Variants in KCNQ1 observed in about 807,000 individuals in gnomAD.
The protein encoded by KCNQ1 is potassium voltage-gated channel subfamily KQT member 1.
A neutral mutation model predicts 72.4 loss-of-function variants in KCNQ1; 49 were observed. That is an observed-to-expected ratio of 0.68 (90% CI 0.54 to 0.86). The LOEUF (loss-of-function observed/expected upper bound fraction) is 0.86, where lower values mean the gene tolerates loss of function less well. Ranked by LOEUF, KCNQ1 falls within the 40% of genes least tolerant of loss-of-function variation. The pLI, the probability that KCNQ1 is intolerant of heterozygous loss-of-function variation, is 0.00. For synonymous variants in KCNQ1, 450 were observed against 412.6 expected, an observed-to-expected ratio of 1.09 and a Z score of -1.10; for missense variants, 790 against 945.1, an observed-to-expected ratio of 0.84 and a Z score of 2.15.
At position 2,627,051 on chromosome 11, in the gene KCNQ1, G is replaced by T; in HGVS notation, c.1394-34910G>T. ...TAACAATATTGGCCTTCCAATCCATGAACATAGGAGGTGTTTTCCCTTTAT... is the reference window on the plus strand; with the variant it reads ...TAACAATATTGGCCTTCCAATCCATTAACATAGGAGGTGTTTTCCCTTTAT... On this transcript the variant is annotated intron_variant, in intron 10 of 15. Transcript: ENST00000155840. The surrounding 1 kb of genome is among the most constrained non-coding windows in gnomAD (Gnocchi z 4.9). 1 of 398,524 alleles carries T rather than the reference G, an allele frequency of 2.5e-6. No homozygotes were observed. Among genetic ancestry groups the T allele is most frequent in the South Asian group, 1.3e-4 (1 of 7,830 alleles). 24.7% of individuals were successfully genotyped at this position (398,524 alleles called of 1,614,324 possible).
chr11:2,624,340 A>G lies in KCNQ1; in HGVS notation c.1393+35486A>G. On this transcript the variant is annotated intron_variant, in intron 10 of 15. Coordinates refer to ENST00000155840, the MANE Select transcript of KCNQ1 (RefSeq NM_000218.3). This position sits in a 1 kb window ranked among gnomAD's most constrained non-coding sequence, Gnocchi z 4.9. Reference sequence around the variant, plus strand: ...GAGTCCTTTATCAGGTATATCTTTTACAAGTATTGTCTCCCTTCTGTGGCC... The same window carrying G: ...GAGTCCTTTATCAGGTATATCTTTTGCAAGTATTGTCTCCCTTCTGTGGCC... 1 of 398,508 alleles carries G rather than the reference A, an allele frequency of 2.5e-6. No homozygotes were observed. Among genetic ancestry groups the G allele is most frequent in the Non-Finnish European group, 4.4e-6 (1 of 226,028 alleles). The allele number at this position is 398,508 out of a possible 1,614,324, so 24.7% of individuals were successfully genotyped here. A position where few individuals can be genotyped will look rare whatever the true frequency, so the allele number is the denominator to read the frequency against.
rs183275979 is a variant in KCNQ1 at position 2,583,720 on chromosome 11, A to G, written c.1032+175A>G. 3.9e-5 allele frequency among the ~76,000 whole-genome samples: 6 copies of G among 152,306 alleles called. No homozygotes were observed. The East Asian group carries it at 1.2e-3, about 29-fold the overall frequency. ...CTGCCCTCCCTGGGGCCCTGGATGC[A>G]GACTTCCCGTTTGCAGTCCCCACTG... is the stretch of plus-strand genomic sequence containing the variant. On this transcript the variant is annotated intron_variant, in intron 7 of 15. Transcript: ENST00000155840.
At position 2,623,129 on chromosome 11, in the gene KCNQ1, C is replaced by T; in HGVS notation, c.1393+34275C>T. 2.5e-6 allele frequency: 1 copy of T among 398,654 alleles called. No individual in the cohort carries two copies. The highest frequency in any genetic ancestry group is 4.4e-6 in the Non-Finnish European group (1 of 226,098). The allele number at this position is 398,654 out of a possible 1,614,324, so 24.7% of individuals were successfully genotyped here. A position where few individuals can be genotyped will look rare whatever the true frequency, so the allele number is the denominator to read the frequency against. The stretch of plus-strand genomic sequence containing the variant: ...AACGTGTGTGGCACTTCCCATCTCA[C>T]TTTCTTTCCCTCTCCTGTTCTGCCA... On this transcript the variant is annotated intron_variant, in intron 10 of 15. Coordinates refer to ENST00000155840, the MANE Select transcript of KCNQ1 (RefSeq NM_000218.3). The surrounding 1 kb of genome is among the most constrained non-coding windows in gnomAD (Gnocchi z 5.2).
intron 11 of KCNQ1, among the ~76,000 whole-genome samples, chr11:2,708,029 C>T (rs552008033): frequency 6.6e-6 from 1 of 152,238 alleles, no homozygotes; most frequent in Non-Finnish European, 1.5e-5. Context: ...CCTCCCAAAG[C>T]ACCAGGCCCC....
intron 15 of KCNQ1, among the ~76,000 whole-genome samples, chr11:2,801,447 G>C (rs1847262229): frequency 6.6e-6 from 1 of 152,232 alleles, no homozygotes; most frequent in African/African-American, 2.4e-5. Flanking sequence ...GGAAGTCCGA[G>C]AGCAAGGTTG....
chr11:2,776,755 A>G (rs1436149734), intron 13 of KCNQ1, among the ~76,000 whole-genome samples: 1 of 152,098 alleles, frequency 6.6e-6, no homozygotes, highest in Admixed American at 6.5e-5. Flanking sequence ...GAAGTCTGAG[A>G]GGCAGCCCAC....
intron 1 of KCNQ1, among the ~76,000 whole-genome samples, chr11:2,453,372 T>C (rs180803444): frequency 7.0e-5 from 10 of 143,014 alleles, no homozygotes; most frequent in African/African-American, 2.1e-4. Flanking sequence ...AAATTCCATC[T>C]CAGGGAAAAA....
chr11:2,614,895 C>T (rs922818208), intron 10 of KCNQ1: 3 of 398,240 alleles, frequency 7.5e-6, no homozygotes, highest in East Asian at 3.6e-5. Flanking sequence ...ATTCCATTTA[C>T]ATTTTAAAAT....
rs1461708609 is a variant in KCNQ1 at position 2,611,720 on chromosome 11, A to C, written c.1393+22866A>C. 5.0e-6 allele frequency: 2 copies of C among 398,378 alleles called. No individual in the cohort carries two copies. Among genetic ancestry groups the C allele is most frequent in the Non-Finnish European group, 8.8e-6 (2 of 226,038 alleles). The allele number at this position is 398,378 out of a possible 1,614,324, so 24.7% of individuals were successfully genotyped here. On this transcript the variant is annotated intron_variant, in intron 10 of 15. Transcript: ENST00000155840. This position sits in a 1 kb window ranked among gnomAD's most constrained non-coding sequence, Gnocchi z 5.3. ...TCACTTATATGTAATATAATTATTG[A>C]TATGGAAGGATTTATATCTACCATG...
At chr11:2,837,375 CCA>C (rs1848092146) in intron 15 of KCNQ1, among the ~76,000 whole-genome samples, 1 of 152,096 alleles carries the variant, frequency 6.6e-6, no homozygotes, top group South Asian at 2.1e-4. Flanking sequence ...GGCCTGGGGC[CCA>C]GGAGAGCCCG....
At position 2,721,799 on chromosome 11, in the gene KCNQ1, C is replaced by T. The variant is rs561691818; in HGVS notation, c.1515-47045C>T. ...AGCCCTGGCTGGAGGCTGACCGAGC[C>T]TCCGAGGAGGTTCACCTGGAGCTGT... On this transcript the variant is annotated intron_variant, in intron 11 of 15. Coordinates refer to ENST00000155840, the MANE Select transcript of KCNQ1 (RefSeq NM_000218.3). Among the ~76,000 whole-genome samples the T allele has an allele frequency of 2.0e-5, 3 of 152,370 alleles. No individual in the cohort carries two copies. In the East Asian group the frequency reaches 5.8e-4, roughly 29 times the overall value.
chr11:2,451,915 T>C lies in KCNQ1; in HGVS notation c.386+6431T>C, dbSNP rs1846123734. 1.3e-5 allele frequency among the ~76,000 whole-genome samples: 2 copies of C among 152,132 alleles called. No homozygotes were observed. The highest frequency in any genetic ancestry group is 2.9e-5 in the Non-Finnish European group (2 of 68,004). On this transcript the variant is annotated intron_variant, in intron 1 of 15. Coordinates refer to ENST00000155840, the MANE Select transcript of KCNQ1 (RefSeq NM_000218.3). The surrounding 1 kb of genome is among the most constrained non-coding windows in gnomAD (Gnocchi z 6.4). Reference sequence around the variant, plus strand: ...GCCCTTAGGATGCTGTGGTCTCAAGTGAGGTGGTGCACTATTCCTGGCCTC... The same window carrying C: ...GCCCTTAGGATGCTGTGGTCTCAAGCGAGGTGGTGCACTATTCCTGGCCTC...
rs1260028472 is a variant in KCNQ1, at chr11:2,711,092, A to C, written c.1514+49011A>C. 1.3e-5 allele frequency among the ~76,000 whole-genome samples: 2 copies of C among 152,248 alleles called. No individual in the cohort carries two copies. The highest frequency in any genetic ancestry group is 2.9e-5 in the Non-Finnish European group (2 of 68,048). On this transcript the variant is annotated intron_variant, in intron 11 of 15. Transcript: ENST00000155840. The surrounding 1 kb of genome is among the most constrained non-coding windows in gnomAD (Gnocchi z 5.4). Reference sequence around the variant, plus strand: ...GTATTGCCATCTTAACAATGTGTTAAGTCTTCCAATCCAAGAGCATGTATT... The same window carrying C: ...GTATTGCCATCTTAACAATGTGTTACGTCTTCCAATCCAAGAGCATGTATT...
rs1029779748 is a variant in KCNQ1 at position 2,477,483 on chromosome 11, GTGA to G, written c.386+32001_386+32003del. Reference sequence around the variant, plus strand: ...GGTGCCCAGGTTAGCTGTGAACAAAGTGATCTCTCTGCTGCCTCACTAGCAGAG... The same window carrying G: ...GGTGCCCAGGTTAGCTGTGAACAAAGTCTCTCTGCTGCCTCACTAGCAGAG... On this transcript the variant is annotated intron_variant, in intron 1 of 15. Coordinates refer to ENST00000155840, the MANE Select transcript of KCNQ1 (RefSeq NM_000218.3). The surrounding 1 kb of genome is among the most constrained non-coding windows in gnomAD (Gnocchi z 5.0). 5.3e-5 allele frequency among the ~76,000 whole-genome samples: 8 copies of G among 152,270 alleles called. No homozygotes were observed. The highest frequency in any genetic ancestry group is 3.3e-4 in the Admixed American group (5 of 15,294).
Position 2,657,209 on chromosome 11 carries a change from C to T in KCNQ1, c.1394-4752C>T. On this transcript the variant is annotated intron_variant, in intron 10 of 15. Coordinates refer to ENST00000155840, the MANE Select transcript of KCNQ1 (RefSeq NM_000218.3). The surrounding 1 kb of genome is among the most constrained non-coding windows in gnomAD (Gnocchi z 4.8). ...AATATTGCCAATTCTTGGCTTTTTG[C>T]ACTTCCAAGTCGCAGTTAGAATCAG... 2.5e-6 allele frequency: 1 copy of T among 398,644 alleles called. No homozygotes were observed. The highest frequency in any genetic ancestry group is 4.4e-5 in the Admixed American group (1 of 22,738). 24.7% of individuals were successfully genotyped at this position (398,644 alleles called of 1,614,324 possible).
chr11:2,563,589 A>G lies in KCNQ1; in HGVS notation c.478-7039A>G, dbSNP rs547781796. ...GAGGGTCCCAGGGTCTGTCTGCCTAATGACAAGATTTCAGTACCAATAGCG... is the reference window on the plus strand; with the variant it reads ...GAGGGTCCCAGGGTCTGTCTGCCTAGTGACAAGATTTCAGTACCAATAGCG... On this transcript the variant is annotated intron_variant, in intron 2 of 15. Transcript: ENST00000155840. The surrounding 1 kb of genome is among the most constrained non-coding windows in gnomAD (Gnocchi z 7.4). Among the ~76,000 whole-genome samples the G allele has an allele frequency of 5.9e-5, 9 of 152,304 alleles. No individual in the cohort carries two copies. The highest frequency in any genetic ancestry group is 1.3e-4 in the Admixed American group (2 of 15,300).
At chr11:2,461,604 C>T (rs921203215) in intron 1 of KCNQ1, 3 of 1,361,780 alleles carry the variant, frequency 2.2e-6, no homozygotes, top group Admixed American at 1.9e-5. Flanking sequence ...GTGGCCCCTG[C>T]TCTCACCCAC....
intron 9 of KCNQ1, 142 bp downstream of exon 9, chr11:2,587,834 C>T: frequency 8.5e-7 from 1 of 1,171,962 alleles, no homozygotes; most frequent in Non-Finnish European, 1.2e-6. Flanking sequence ...GTTCGGGACA[C>T]TGGGCCATAC....
chr11:2,741,688 C>T (rs552651413), intron 11 of KCNQ1, among the ~76,000 whole-genome samples: 4 of 152,364 alleles, frequency 2.6e-5, no homozygotes, highest in African/African-American at 9.6e-5. Flanking sequence ...ATCACCCCAT[C>T]GCTGTGAGTG....
Sources: allele counts gnomAD v4.1 joint callset (sites outside exome capture counted in the v4.1 genomes callset), GRCh38; gene constraint gnomAD v4.1.1; non-coding constraint Gnocchi (gnomAD v3.1); transcripts MANE v1.5; gene names NCBI Gene and HGNC (gene_info 2026-07-23, HGNC 2026-07-21).